Variants in TLN2 observed in about 807,000 individuals in gnomAD.
The protein encoded by TLN2 is talin-2.
Under a neutral mutation model 294.7 loss-of-function variants are expected in TLN2, and 118 were observed. The ratio of observed to expected loss-of-function variants is 0.40; its 90% CI spans 0.34 to 0.47. The LOEUF (loss-of-function observed/expected upper bound fraction) is 0.47. Ranked by LOEUF, TLN2 falls within the 20% of genes least tolerant of loss-of-function variation. TLN2 has a pLI of 0.84. For synonymous variants in TLN2, 1,431 were observed against 1,304.5 expected (o/e 1.10, Z -2.09); for missense variants, 3,083 against 3,282.2 (o/e 0.94, Z 1.48).
At chr15:62,427,053 G>A (rs2034755936) in intron 1 of TLN2, among the ~76,000 whole-genome samples, 1 of 152,178 alleles carries the variant, frequency 6.6e-6, no homozygotes, top group Non-Finnish European at 1.5e-5. Flanking sequence ...TCAGGAAGCA[G>A]GGCCAGCAGA....
In TLN2 at chr15:62,843,102, C is replaced by G. The variant is rs2070867033; in HGVS notation, c.*2492C>G. The G allele has an allele frequency of 6.6e-6, 1 of 151,232 alleles. No homozygotes were observed. Among genetic ancestry groups the G allele is most frequent in the African/African-American group, 2.4e-5 (1 of 41,368 alleles). 9.4% of individuals were successfully genotyped at this position (151,232 alleles called of 1,614,324 possible). A position where few individuals can be genotyped will look rare whatever the true frequency, so the allele number is the denominator to read the frequency against. On this transcript the variant is annotated 3_prime_UTR_variant, in exon 59 of 59. Transcript: ENST00000636159. ...TTGGGAGTGTGAACTTTCAGAACAC[C>G]TAATAAGAGAGTGGTGTCAGAGTAA...
intron 50 of TLN2, among the ~76,000 whole-genome samples, chr15:62,802,502 A>G (rs1014514122): frequency 2.0e-5 from 3 of 152,150 alleles, no homozygotes; most frequent in African/African-American, 7.2e-5. Context: ...CATATATATG[A>G]TCTTGGCTAT....
intron 1 of TLN2, among the ~76,000 whole-genome samples, chr15:62,537,119 T>C (rs929988048): frequency 2.0e-5 from 3 of 151,752 alleles, no homozygotes; most frequent in East Asian, 1.9e-4. Context: ...CCTGGGTTCA[T>C]GCCATTCCCC....
chr15:62,629,333 G>A (rs1022755486), intron 3 of TLN2, among the ~76,000 whole-genome samples: 11 of 152,204 alleles, frequency 7.2e-5, no homozygotes, highest in African/African-American at 2.7e-4. Context: ...TGTGTGATCA[G>A]TACATGGTGA....
At chr15:62,433,498 A>G (rs145207180) in intron 1 of TLN2, among the ~76,000 whole-genome samples, 20 of 152,180 alleles carry the variant, frequency 1.3e-4, no homozygotes, top group South Asian at 6.2e-4. Context: ...GTGTTAGCCA[A>G]TCTCAGGGGT....
intron 20 of TLN2, 81 bp downstream of exon 20, chr15:62,707,334 G>A (rs1411791673): frequency 1.2e-5 from 18 of 1,447,002 alleles, no homozygotes; most frequent in Non-Finnish European, 1.6e-5. Flanking sequence ...GTGTAGCAGG[G>A]GCAGAATTTG....
chr15:62,750,321 G>A (rs573156659), intron 33 of TLN2, 81 bp from the exon 34 acceptor site: 5 of 1,139,438 alleles, frequency 4.4e-6, no homozygotes, highest in South Asian at 2.5e-5. Context: ...TGGAGGGAGA[G>A]TTGATAGTTG....
At chr15:62,656,146 A>G in intron 8 of TLN2, 60 bp downstream of exon 8, 5 of 1,592,970 alleles carry the variant, frequency 3.1e-6, no homozygotes, top group African/African-American at 2.7e-5. Flanking sequence ...TCCTGGCTGT[A>G]TCTTGTGGCG....
intron 32 of TLN2, among the ~76,000 whole-genome samples, chr15:62,746,814 G>A (rs2061640628): frequency 6.6e-6 from 1 of 152,236 alleles, no homozygotes; most frequent in Non-Finnish European, 1.5e-5. Context: ...AAAGAATTAT[G>A]TATTTGGTTT....
rs757142471 is a variant in TLN2, at chr15:62,739,531, G to A, written c.3871G>A (p.Ala1291Thr). 1.2e-6 allele frequency: 2 copies of A among 1,614,090 alleles called. No individual in the cohort carries two copies. Among genetic ancestry groups the A allele is most frequent in the African/African-American group, 2.7e-5 (2 of 74,934 alleles). Residue 1291 changes from alanine to threonine, a missense_variant, in exon 31 of 59, where the codon GCT becomes ACT. Coordinates refer to ENST00000636159, the MANE Select transcript of TLN2 (RefSeq NM_015059.3). The stretch of plus-strand genomic sequence containing the variant: ...ATTCCTCGATGCTGGCATTGAGATG[G>A]CTGGCCAAGCTCAGGTGGGTGTGGA... ...DEFLDAGIEM[A>T]GQAQTKEDQI...
chr15:62,783,692 A>T, intron 44 of TLN2, 79 bp from the exon 45 acceptor site: 2 of 1,482,814 alleles, frequency 1.3e-6, no homozygotes, highest in Non-Finnish European at 1.8e-6. Flanking sequence ...TTCCAGTGAT[A>T]TTAACACATG....
chr15:62,833,539 C>G lies in TLN2; in HGVS notation c.7038C>G (p.Ile2346Met). The change falls in exon 55 of 59, where the codon ATC (isoleucine) becomes ATG (methionine). Residue 2346 changes from isoleucine (I) to methionine (M), a missense_variant. Transcript: ENST00000636159. ...AGACCCTGGACTTTGAGGAACAGAT[C>G]TTGGAAGCTGCTAAATCCATTGCTG... Reference protein sequence around the residue: ...ADETLDFEEQILEAAKSIAAA... With the variant: ...ADETLDFEEQMLEAAKSIAAA... 6.2e-7 allele frequency: 1 copy of G among 1,614,166 alleles called. No individual in the cohort carries two copies. The highest frequency in any genetic ancestry group is 8.5e-7 in the Non-Finnish European group (1 of 1,180,020).
intron 21 of TLN2, among the ~76,000 whole-genome samples, chr15:62,710,663 A>T (rs2059366143): frequency 6.6e-6 from 1 of 151,850 alleles, no homozygotes; most frequent in Non-Finnish European, 1.5e-5. Flanking sequence ...TATTTTAGTG[A>T]ACCACTAACT....
At chr15:62,772,545 C>A (rs543267393) in intron 42 of TLN2, among the ~76,000 whole-genome samples, 1 of 152,222 alleles carries the variant, frequency 6.6e-6, no homozygotes, top group Non-Finnish European at 1.5e-5. Flanking sequence ...AACTTACCCT[C>A]TGACTCACTT....
At chr15:62,514,432 G>A (rs980530636) in intron 1 of TLN2, among the ~76,000 whole-genome samples, 6 of 152,164 alleles carry the variant, frequency 3.9e-5, no homozygotes, top group African/African-American at 1.4e-4. Flanking sequence ...TTAATACGGT[G>A]CTTTTTTCCC....
chr15:62,684,293 G>T (rs529217766), intron 11 of TLN2, among the ~76,000 whole-genome samples: 2 of 152,274 alleles, frequency 1.3e-5, no homozygotes, highest in South Asian at 2.1e-4. Context: ...TTTATCTCCA[G>T]TCCCCTTCCT....
chr15:62,490,010 G>T (rs373489196), intron 1 of TLN2, among the ~76,000 whole-genome samples: 15 of 152,210 alleles, frequency 9.9e-5, no homozygotes, highest in Non-Finnish European at 1.6e-4. Flanking sequence ...AAATCTGTGA[G>T]ATTGTGTTTA....
At chr15:62,461,460 G>A (rs1292462618) in intron 1 of TLN2, among the ~76,000 whole-genome samples, 1 of 152,210 alleles carries the variant, frequency 6.6e-6, no homozygotes, top group African/African-American at 2.4e-5. Context: ...GACTCTGGCT[G>A]TGATGTATAG....
At chr15:62,669,017 G>A (rs1474654630) in intron 9 of TLN2, among the ~76,000 whole-genome samples, 1 of 152,164 alleles carries the variant, frequency 6.6e-6, no homozygotes, top group East Asian at 1.9e-4. Context: ...TTTCTTGTGT[G>A]CATCTCCTGA....
Sources: allele counts gnomAD v4.1 joint callset (sites outside exome capture counted in the v4.1 genomes callset), GRCh38; gene constraint gnomAD v4.1.1; transcripts MANE v1.5; gene names NCBI Gene and HGNC (gene_info 2026-07-23, HGNC 2026-07-21).